ANGEL2: variants seen among roughly 807,000 people sequenced by gnomAD.
ANGEL2 encodes the protein angel homolog 2, also known as RNA 2',3'-cyclic phosphatase ANGEL2.
A neutral mutation model predicts 66.0 loss-of-function variants in ANGEL2; 41 were observed. That is an observed-to-expected ratio of 0.62 (90% CI 0.48 to 0.81). ANGEL2 has a LOEUF of 0.81. Among genes scored for constraint, ANGEL2 ranks in the 30% least tolerant of loss-of-function variants. The pLI is 0.00. For synonymous variants in ANGEL2, 208 were observed against 226.5 expected (o/e 0.92, Z 0.73); for missense variants, 561 against 641.6 (o/e 0.87, Z 1.36).
chr1:212,998,818 G>A (rs759988205), intron 7 of ANGEL2, among the ~76,000 whole-genome samples: 8 of 151,722 alleles, frequency 5.3e-5, no homozygotes, highest in Non-Finnish European at 1.2e-4. Flanking sequence ...GAGCCACCGC[G>A]CCCGGCCTCT....
chr1:213,013,154 G>C lies in ANGEL2; in HGVS notation c.324C>G (p.Leu108=), dbSNP rs368220478. 6.8e-6 allele frequency: 11 copies of C among 1,614,040 alleles called. No individual in the cohort carries two copies. The highest frequency in any genetic ancestry group is 9.3e-6 in the Non-Finnish European group (11 of 1,180,024). Residue 108 remains leucine, a synonymous_variant, in exon 2 of 9, where the codon CTC becomes CTG. Coordinates refer to ENST00000366962, the MANE Select transcript of ANGEL2 (RefSeq NM_144567.5). ...CCTCAGCGTTCATGACGTAACTAGA[G>C]AGATGAATCAAAGATGTCTGGCTCA... ...DNLSQTSLIH[L]SSYVMNAEGD...
rs2076630747 is a variant in ANGEL2 at position 213,015,764 on chromosome 1, A to G, written c.-93T>C. 12 of 1,566,600 alleles carry G rather than the reference A, an allele frequency of 7.7e-6. No homozygotes were observed. The highest frequency in any genetic ancestry group is 5.3e-6 in the Non-Finnish European group (6 of 1,141,714). On this transcript the variant is annotated 5_prime_UTR_variant, in exon 1 of 9. The change abolishes an upstream ATG in the 5' untranslated region. Transcript: ENST00000366962. ...CGGCCTAAAGTATCTAGGGAACCCC[A>G]TCACTCTTAAGTACCGACTCCAGTC...
rs1262313370 is a variant in ANGEL2 at position 213,008,332 on chromosome 1, T to C, written c.520A>G (p.Ile174Val). 1 of 1,614,104 alleles carries C rather than the reference T, an allele frequency of 6.2e-7. No individual in the cohort carries two copies. Among genetic ancestry groups the C allele is most frequent in the Non-Finnish European group, 8.5e-7 (1 of 1,180,048 alleles). ...KFDFSVMSYN[I>V]LSQDLLEDNS... The stretch of plus-strand genomic sequence containing the variant: ...TCTTCCAGTAAATCTTGTGAAAGTA[T>C]ATTATAGGACATCACTGAAAAGTCA... The change falls in exon 3 of 9, where the codon ATA (isoleucine) becomes GTA (valine). Residue 174 changes from isoleucine (I) to valine (V), a missense_variant. Coordinates refer to ENST00000366962, the MANE Select transcript of ANGEL2 (RefSeq NM_144567.5).
intron 4 of ANGEL2, among the ~76,000 whole-genome samples, chr1:213,006,065 G>A (rs996368429): frequency 2.0e-5 from 3 of 152,054 alleles, no homozygotes; most frequent in African/African-American, 4.8e-5. Flanking sequence ...CCACCAGAAG[G>A]TACACTCCAC....
At chr1:213,015,372 A>G (rs1308243456) in intron 1 of ANGEL2, 1 of 1,410,806 alleles carries the variant, frequency 7.1e-7, no homozygotes, top group East Asian at 2.6e-5. Context: ...CCGGCGGCCC[A>G]TGAACTCCGC....
chr1:212,995,676 A>T (rs3010781), intron 8 of ANGEL2, among the ~76,000 whole-genome samples: 150,081 of 152,324 alleles, frequency 0.99, 73,978 homozygotes, highest in East Asian at 1. Flanking sequence ...TCCTGCCACC[A>T]AGTGAACTTC....
At position 212,994,717 on chromosome 1, in the gene ANGEL2, A is replaced by G. The variant is rs934301399; in HGVS notation, c.*324T>C. 2 of 163,716 alleles carry G rather than the reference A, an allele frequency of 1.2e-5. No individual in the cohort carries two copies. Among genetic ancestry groups the G allele is most frequent in the African/African-American group, 4.8e-5 (2 of 41,934 alleles). The allele number at this position is 163,716 out of a possible 1,614,324, so 10.1% of individuals were successfully genotyped here. ...CTACAGAGCTTGCCAAAATTATGAAATGAAATTTTTTACTAAGCAGACAAA... is the reference window on the plus strand; with the variant it reads ...CTACAGAGCTTGCCAAAATTATGAAGTGAAATTTTTTACTAAGCAGACAAA... On this transcript the variant is annotated 3_prime_UTR_variant, in exon 9 of 9. Transcript: ENST00000366962.
chr1:213,004,964 A>C, intron 5 of ANGEL2, 69 bp downstream of exon 5: 1 of 1,264,676 alleles, frequency 7.9e-7, no homozygotes, highest in Non-Finnish European at 1.1e-6. Flanking sequence ...CCATGTAATG[A>C]CTATCTTCAC....
rs1037023068 is a variant in ANGEL2, at chr1:213,013,506, A to G, written c.60-88T>C. ...TAAGCCTGTTTCCTCAAGGGAAGGTAATGTCTAATATTTAAAATCTGGCTG... is the reference window on the plus strand; with the variant it reads ...TAAGCCTGTTTCCTCAAGGGAAGGTGATGTCTAATATTTAAAATCTGGCTG... On this transcript the variant is annotated intron_variant, in intron 1 of 8. Coordinates refer to ENST00000366962, the MANE Select transcript of ANGEL2 (RefSeq NM_144567.5). 1.7e-5 allele frequency: 21 copies of G among 1,212,848 alleles called. No homozygotes were observed. In the African/African-American group the frequency reaches 3.1e-4, roughly 18 times the overall value. 75.1% of individuals were successfully genotyped at this position (1,212,848 alleles called of 1,614,324 possible). A position where few individuals can be genotyped will look rare whatever the true frequency, so the allele number is the denominator to read the frequency against.
intron 2 of ANGEL2, among the ~76,000 whole-genome samples, chr1:213,012,007 A>T (rs577817775): frequency 6.6e-6 from 1 of 152,236 alleles, no homozygotes; most frequent in African/African-American, 2.4e-5. Context: ...ACACAAACAG[A>T]TTTTCACTTT....
intron 3 of ANGEL2, among the ~76,000 whole-genome samples, chr1:213,007,790 CACAA>C (rs1026521671): frequency 2.6e-5 from 4 of 152,062 alleles, no homozygotes; most frequent in Admixed American, 2.0e-4. Context: ...TTTCTTACCC[CACAA>C]ACAAAATGGA....
intron 1 of ANGEL2, among the ~76,000 whole-genome samples, chr1:213,014,455 C>T (rs2076586522): frequency 6.6e-6 from 1 of 152,160 alleles, no homozygotes. Flanking sequence ...CTAAAATCTA[C>T]TTAATTGTAA....
chr1:212,998,607 C>T (rs2076091685), intron 7 of ANGEL2, among the ~76,000 whole-genome samples: 1 of 146,924 alleles, frequency 6.8e-6, no homozygotes, highest in African/African-American at 2.5e-5. Context: ...CTGCAACCTC[C>T]ACCTCCCAGG....
chr1:213,010,571 CA>C (rs11339532), intron 2 of ANGEL2, among the ~76,000 whole-genome samples: 54,744 of 110,802 alleles, frequency 0.49, 12,812 homozygotes, highest in Non-Finnish European at 0.6. Context: ...GCCTTCGTCT[CA>C]AAAAAAAAAA....
At chr1:213,007,865 CTTTT>C (rs34608529) in intron 3 of ANGEL2, among the ~76,000 whole-genome samples, 6 of 138,086 alleles carry the variant, frequency 4.3e-5, no homozygotes, top group Admixed American at 1.4e-4. Flanking sequence ...TTCTTTCTTT[CTTTT>C]TTTTTTTTTT....
At chr1:213,015,514 A>AC in intron 1 of ANGEL2, 99 bp downstream of exon 1, 6 of 1,407,642 alleles carry the variant, frequency 4.3e-6, no homozygotes, top group South Asian at 2.7e-5. Flanking sequence ...TTCCACCCCT[A>AC]GCCCGCCCCG....
chr1:212,998,256 G>C (rs1272342938), intron 7 of ANGEL2, among the ~76,000 whole-genome samples: 1 of 151,416 alleles, frequency 6.6e-6, no homozygotes, highest in Non-Finnish European at 1.5e-5. Flanking sequence ...TAGAAAAGTA[G>C]CTACGCGTGG....
In ANGEL2 at chr1:213,006,966, C is replaced by T. The variant is rs1000050349; in HGVS notation, c.712+163G>A. ...ATAATTGGCCGGGCATGGTGGCACA[C>T]ATCTCTAGTCCCAGCTACTCAGGAA... On this transcript the variant is annotated intron_variant, in intron 4 of 8. Transcript: ENST00000366962. 5.6e-6 allele frequency: 3 copies of T among 533,084 alleles called. No individual in the cohort carries two copies. In the South Asian group the frequency reaches 9.2e-5, roughly 16 times the overall value. 33.0% of individuals were successfully genotyped at this position (533,084 alleles called of 1,614,324 possible). A position where few individuals can be genotyped will look rare whatever the true frequency, so the allele number is the denominator to read the frequency against.
chr1:213,011,503 T>C (rs1260445921), intron 2 of ANGEL2: 1 of 1,065,354 alleles, frequency 9.4e-7, no homozygotes, highest in Non-Finnish European at 1.1e-6. Context: ...AATCAAGCTT[T>C]ATCAGTAGGT....
Sources: gnomAD v4.1 joint callset for allele counts (sites outside exome capture counted in the v4.1 genomes callset) on GRCh38, gnomAD v4.1.1 for gene constraint, MANE v1.5 for transcripts, NCBI Gene and HGNC (gene_info 2026-07-23, HGNC 2026-07-21) for gene names.